Variants in MAF observed in about 807,000 individuals in gnomAD.
MAF encodes the protein transcription factor Maf.
Under a neutral mutation model 22.0 loss-of-function variants are expected in MAF, and 10 were observed. That is an observed-to-expected ratio of 0.45 (90% CI 0.28 to 0.77). The LOEUF (loss-of-function observed/expected upper bound fraction) is 0.77, where lower values mean the gene tolerates loss of function less well. Ranked by LOEUF, MAF falls within the 30% of genes least tolerant of loss-of-function variation. The pLI is 0.12. For synonymous variants in MAF, 337 were observed against 255.8 expected (o/e 1.32, Z -3.03); for missense variants, 544 against 548.4 (o/e 0.99, Z 0.08).
the MAF span, among the ~76,000 whole-genome samples, chr16:79,463,663 G>A: frequency 6.6e-6 from 1 of 152,230 alleles, no homozygotes; most frequent in East Asian, 1.9e-4. Context: ...GAGCAGGTGA[G>A]CCCATTTGAC....
the MAF span, among the ~76,000 whole-genome samples, chr16:79,561,834 C>A: frequency 6.6e-6 from 1 of 152,120 alleles, no homozygotes; most frequent in East Asian, 1.9e-4. Flanking sequence ...GAATGACCTC[C>A]AAAGCTAGGA....
chr16:79,374,570 T>G, the MAF span, among the ~76,000 whole-genome samples: 1 of 152,186 alleles, frequency 6.6e-6, no homozygotes, highest in South Asian at 2.1e-4. Context: ...AAAGCATCCA[T>G]TCAGCAAGGA....
chr16:79,403,328 A>G, the MAF span, among the ~76,000 whole-genome samples: 1 of 152,222 alleles, frequency 6.6e-6, no homozygotes, highest in Admixed American at 6.5e-5. Context: ...GAGCAAATGT[A>G]TGGGTAGAAA....
At chr16:79,563,389 T>C in the MAF span, among the ~76,000 whole-genome samples, 1 of 152,198 alleles carries the variant, frequency 6.6e-6, no homozygotes, top group East Asian at 1.9e-4. Flanking sequence ...AGTGAAAATA[T>C]TGTTTCTTTC....
the MAF span, among the ~76,000 whole-genome samples, chr16:79,220,392 T>A: frequency 6.6e-6 from 1 of 152,168 alleles, no homozygotes; most frequent in Non-Finnish European, 1.5e-5. Context: ...TGGTACATTT[T>A]TTATGCATTA....
chr16:79,329,230 A>T, the MAF span, among the ~76,000 whole-genome samples: 1 of 152,146 alleles, frequency 6.6e-6, no homozygotes, highest in Non-Finnish European at 1.5e-5. Context: ...CTCAGAGTTG[A>T]GTGATCTTCA....
chr16:79,252,789 C>T, the MAF span, among the ~76,000 whole-genome samples: 794 of 152,176 alleles, frequency 5.2e-3, 6 homozygotes, highest in African/African-American at 0.018. Context: ...CGTGCCCGGC[C>T]GTGGTTTTGA....
the MAF span, among the ~76,000 whole-genome samples, chr16:79,210,760 C>A: frequency 6.6e-6 from 1 of 152,084 alleles, no homozygotes; most frequent in African/African-American, 2.4e-5. Flanking sequence ...TTTATAGCAT[C>A]CCTGACAGTA....
the MAF span, among the ~76,000 whole-genome samples, chr16:79,214,674 G>A: frequency 2.0e-5 from 3 of 146,812 alleles, no homozygotes; most frequent in African/African-American, 5.1e-5. Context: ...CAAAGTGCTG[G>A]GATTACAGGT....
At chr16:79,382,166 C>T in the MAF span, among the ~76,000 whole-genome samples, 1 of 152,338 alleles carries the variant, frequency 6.6e-6, no homozygotes, top group South Asian at 2.1e-4. Flanking sequence ...AGAATATCAA[C>T]ATGTCAGAGG....
rs1386704154 is a variant in MAF, at chr16:79,599,146, C to G, written c.757G>C (p.Gly253Arg). ...GGALHPHHAA[G>R]GLHFDDRFSD... is the part of the protein sequence containing the mutation. ...AAGCGGTCGTCGAAGTGCAGGCCGC[C>G]GGCGGCGTGGTGCGGGTGCAGGGCG... Residue 253 changes from glycine (G) to arginine (R), a missense_variant, in exon 1 of 2, where the codon GGC becomes CGC. Transcript: ENST00000326043. 1.3e-6 allele frequency: 2 copies of G among 1,559,160 alleles called. No individual in the cohort carries two copies. The highest frequency in any genetic ancestry group is 2.3e-5 in the East Asian group (1 of 42,670).
chr16:79,221,054 C>A, the MAF span, among the ~76,000 whole-genome samples: 1 of 152,240 alleles, frequency 6.6e-6, no homozygotes, highest in African/African-American at 2.4e-5. Context: ...AACTTTGGGT[C>A]AGCTCGTTTT....
chr16:79,209,282 C>T, the MAF span, among the ~76,000 whole-genome samples: 6 of 152,288 alleles, frequency 3.9e-5, no homozygotes, highest in African/African-American at 1.2e-4. Flanking sequence ...CATTCTGAAT[C>T]AATGGGACTG....
At chr16:79,565,929 C>G in the MAF span, among the ~76,000 whole-genome samples, 5 of 152,168 alleles carry the variant, frequency 3.3e-5, no homozygotes, top group Admixed American at 2.0e-4. Context: ...CTTCAAGTCA[C>G]ACAGCTAGAA....
chr16:79,568,199 G>A, the MAF span, among the ~76,000 whole-genome samples: 8 of 152,176 alleles, frequency 5.3e-5, no homozygotes, highest in Non-Finnish European at 1.0e-4. Context: ...TTACCTCTGC[G>A]GCTGTAGTTC....
At chr16:79,589,418 A>T (rs191853405), downstream of MAF, among the ~76,000 whole-genome samples, 5 of 152,310 alleles carry the variant, frequency 3.3e-5, no homozygotes, top group Admixed American at 3.3e-4. Flanking sequence ...AGATTTTTAA[A>T]CATGCTATCT....
the MAF span, among the ~76,000 whole-genome samples, chr16:79,311,611 G>T: frequency 6.6e-6 from 1 of 152,108 alleles, no homozygotes; most frequent in Non-Finnish European, 1.5e-5. Flanking sequence ...GAGGCAGGCA[G>T]CCAAGCCCAG....
the MAF span, among the ~76,000 whole-genome samples, chr16:79,403,331 G>C: frequency 6.6e-6 from 1 of 152,166 alleles, no homozygotes; most frequent in Admixed American, 6.5e-5. Context: ...CAAATGTATG[G>C]GTAGAAATCA....
At chr16:79,359,877 G>A in the MAF span, among the ~76,000 whole-genome samples, 1 of 152,216 alleles carries the variant, frequency 6.6e-6, no homozygotes, top group Admixed American at 6.5e-5. Flanking sequence ...CAGCTGGGAA[G>A]TGGAAGGAGC....
Sources: gnomAD v4.1 joint callset for allele counts (sites outside exome capture counted in the v4.1 genomes callset) on GRCh38, gnomAD v4.1.1 for gene constraint, MANE v1.5 for transcripts, NCBI Gene and HGNC (gene_info 2026-07-23, HGNC 2026-07-21) for gene names.